Variants in CAST observed in about 807,000 individuals in gnomAD.
CAST encodes the protein calpastatin, also known as MIR583 host.
CAST carries 76 observed loss-of-function variants against 119.6 expected under a neutral mutation model. The ratio of observed to expected loss-of-function variants is 0.64; its 90% CI spans 0.53 to 0.77. The LOEUF is 0.77. CAST is among the 30% of genes least tolerant of loss of function. The pLI is 0.00. For synonymous variants in CAST, 319 were observed against 331.6 expected, an observed-to-expected ratio of 0.96 and a Z score of 0.41; for missense variants, 953 against 946.5, an observed-to-expected ratio of 1.01 and a Z score of -0.09.
In CAST at chr5:96,611,885, C is replaced by T. The variant is rs946807716; in HGVS notation, c.61-63654C>T. Among the ~76,000 whole-genome samples the T allele has an allele frequency of 2.0e-5, 3 of 151,996 alleles. No individual in the cohort carries two copies. The East Asian group carries it at 5.8e-4, about 29-fold the overall frequency. ...AATCAGGGAAATGCAAGTCAAAAAC[C>T]GCATGAGACACCATCTCACACCAAT... On this transcript the variant is annotated intron_variant, in intron 1 of 11. Coordinates refer to the CAST transcript ENST00000505143.
At chr5:96,452,065 T>C in the CAST span, among the ~76,000 whole-genome samples, 1 of 152,226 alleles carries the variant, frequency 6.6e-6, no homozygotes, top group East Asian at 1.9e-4. Context: ...AGTTCAACCA[T>C]TGTGGAAGAC....
At chr5:96,645,622 TA>T (rs1748005552) in intron 1 of CAST, among the ~76,000 whole-genome samples, 2 of 152,092 alleles carry the variant, frequency 1.3e-5, no homozygotes, top group South Asian at 4.1e-4. Context: ...TTTTAAATTA[TA>T]AGATAATATG....
the CAST span, among the ~76,000 whole-genome samples, chr5:96,139,489 G>A: frequency 6.8e-6 from 1 of 146,554 alleles, no homozygotes; most frequent in Non-Finnish European, 1.5e-5. Flanking sequence ...CAATGTCCTT[G>A]TAACATATAT....
At chr5:96,045,356 GA>G in the CAST span, among the ~76,000 whole-genome samples, 1,408 of 101,954 alleles carry the variant, frequency 0.014, 23 homozygotes, top group African/African-American at 0.041. Flanking sequence ...TCTGTCTCAA[GA>G]AAAAAAAAAA....
At chr5:96,732,839 T>G (rs1760833861) in intron 9 of CAST, among the ~76,000 whole-genome samples, 1 of 152,140 alleles carries the variant, frequency 6.6e-6, no homozygotes, top group Non-Finnish European at 1.5e-5. Context: ...GAATTAGTAA[T>G]CAGTTTGGAG....
At chr5:96,033,019 A>G in the CAST span, among the ~76,000 whole-genome samples, 3 of 152,186 alleles carry the variant, frequency 2.0e-5, no homozygotes, top group Non-Finnish European at 4.4e-5. Flanking sequence ...TAGCATTTCT[A>G]TACTCTAACA....
intron 6 of CAST, 125 bp downstream of exon 6, chr5:96,727,655 A>G (rs1015818417): frequency 9.2e-6 from 5 of 545,298 alleles, no homozygotes; most frequent in Non-Finnish European, 1.3e-5. Context: ...ATTAATTTTT[A>G]GACCCTTTTG....
At chr5:95,982,921 G>A in the CAST span, among the ~76,000 whole-genome samples, 35 of 152,216 alleles carry the variant, frequency 2.3e-4, no homozygotes, top group Middle Eastern at 6.8e-3. Context: ...ATCAAAAAGC[G>A]TGAAAATAAT....
intron 1 of CAST, among the ~76,000 whole-genome samples, chr5:96,644,587 CCTCA>C (rs1171333168): frequency 1.1e-4 from 17 of 152,162 alleles, no homozygotes; most frequent in African/African-American, 4.1e-4. Flanking sequence ...CACCTATAAT[CCTCA>C]CTCAGTTTCA....
At chr5:96,730,368 A>G (rs1760201249) in intron 8 of CAST, among the ~76,000 whole-genome samples, 1 of 152,190 alleles carries the variant, frequency 6.6e-6, no homozygotes, top group African/African-American at 2.4e-5. Context: ...TTGGCTTACA[A>G]TGTTGTTAAA....
chr5:96,012,610 G>A, the CAST span, among the ~76,000 whole-genome samples: 55 of 152,104 alleles, frequency 3.6e-4, no homozygotes, highest in African/African-American at 1.3e-3. Flanking sequence ...TGCATAGAGT[G>A]TTCAAGTTTA....
chr5:96,489,624 T>G, the CAST span, among the ~76,000 whole-genome samples: 5 of 152,178 alleles, frequency 3.3e-5, no homozygotes, highest in African/African-American at 4.8e-5. Flanking sequence ...TCAATTTGCA[T>G]GCTTCTCTTC....
At chr5:96,317,729 T>C in the CAST span, among the ~76,000 whole-genome samples, 1 of 152,144 alleles carries the variant, frequency 6.6e-6, no homozygotes, top group Non-Finnish European at 1.5e-5. Context: ...AGCCCTGACT[T>C]GGCATTTTAG....
the CAST span, among the ~76,000 whole-genome samples, chr5:96,366,153 G>A: frequency 1.1e-3 from 170 of 152,236 alleles, no homozygotes; most frequent in Non-Finnish European, 1.8e-3. Flanking sequence ...TTGAATATTG[G>A]CCCCCACCCT....
At chr5:96,469,883 TATATATACAC>T in the CAST span, among the ~76,000 whole-genome samples, 1 of 143,872 alleles carries the variant, frequency 7.0e-6, no homozygotes, top group East Asian at 2.1e-4. Context: ...ATATATAATA[TATATATACAC>T]ACACATATAT....
chr5:96,267,449 A>G, the CAST span, among the ~76,000 whole-genome samples: 1 of 152,200 alleles, frequency 6.6e-6, no homozygotes. Flanking sequence ...GCAAATAACA[A>G]ATAACAGAGC....
At chr5:96,067,578 G>C in the CAST span, among the ~76,000 whole-genome samples, 2 of 152,124 alleles carry the variant, frequency 1.3e-5, no homozygotes, top group Non-Finnish European at 2.9e-5. Context: ...TCCTAAATTG[G>C]CCTAGTTTAA....
At chr5:96,608,455 CCTGTTTGTATTA>C (rs1747299806) in intron 1 of CAST, among the ~76,000 whole-genome samples, 1 of 152,002 alleles carries the variant, frequency 6.6e-6, no homozygotes, top group Non-Finnish European at 1.5e-5. Flanking sequence ...ATAAATACTA[CCTGTTTGTATTA>C]TGACTTTGTG....
chr5:96,332,911 C>T, the CAST span, among the ~76,000 whole-genome samples: 2 of 151,872 alleles, frequency 1.3e-5, no homozygotes, highest in Admixed American at 6.6e-5. Context: ...TGGGTTCCAT[C>T]TGTACCTTTG....
Sources: gnomAD v4.1 joint callset for allele counts (sites outside exome capture counted in the v4.1 genomes callset) on GRCh38, gnomAD v4.1.1 for gene constraint, MANE v1.5 for transcripts, NCBI Gene and HGNC (gene_info 2026-07-23, HGNC 2026-07-21) for gene names.